NIN: variants seen among roughly 807,000 people sequenced by gnomAD.
NIN encodes the protein ninein.
Under a neutral mutation model 257.6 loss-of-function variants are expected in NIN, and 137 were observed. The ratio of observed to expected loss-of-function variants is 0.53; its 90% CI spans 0.46 to 0.61. The LOEUF (loss-of-function observed/expected upper bound fraction) is 0.61, where lower values mean the gene tolerates loss of function less well. Ranked by LOEUF, NIN falls within the 20% of genes least tolerant of loss-of-function variation. The pLI, the probability that NIN is intolerant of heterozygous loss-of-function variation, is 0.00. For missense variants in NIN, 2,439 were observed against 2,501.2 expected (o/e 0.98, Z 0.53); for synonymous variants, 918 against 919.8 (o/e 1.00, Z 0.04).
intron 21 of NIN, 120 bp downstream of exon 21, chr14:50,752,397 TG>T: frequency 1.4e-6 from 1 of 705,626 alleles, no homozygotes. Context: ...TATCTATTCA[TG>T]TGCCAGGACC....
chr14:50,723,763 T>C (rs2140302050), intron 30 of NIN, 91 bp from the exon 31 acceptor site: 1 of 1,054,860 alleles, frequency 9.5e-7, no homozygotes, highest in East Asian at 2.4e-5. Context: ...AGTTGTTTTA[T>C]AAAGGCAAAT....
At chr14:50,816,562 G>C (rs1252947983) in intron 3 of NIN, among the ~76,000 whole-genome samples, 1 of 152,098 alleles carries the variant, frequency 6.6e-6, no homozygotes, top group African/African-American at 2.4e-5. Flanking sequence ...TGCAGGGGCT[G>C]GGAAATCCAG....
Position 50,729,612 on chromosome 14 carries a change from G to A in NIN, c.5989C>T (p.Leu1997Phe). Residue 1997 changes from leucine (L) to phenylalanine (F), a missense_variant, in exon 29 of 31, where the codon CTT becomes TTT. This residue lies in a region of NIN where 2,043 missense variants were observed against 2,050.2 expected (regional missense o/e 1.00). Transcript: ENST00000530997. ...TCTGCCTGCAGCAGCTGGCGTTGAA[G>A]CTGCAGAAACTGCTCCCTGGGCACC... ...PMVPREQFLQ[L>F]QRQLLQAERI... The A allele has an allele frequency of 1.2e-6, 2 of 1,614,104 alleles. No homozygotes were observed. The highest frequency in any genetic ancestry group is 1.7e-4 in the Middle Eastern group (1 of 6,040).
At position 50,721,279 on chromosome 14, in the gene NIN, T is replaced by C. The variant is rs2040265360; in HGVS notation, c.*2184A>G. The C allele has an allele frequency of 4.9e-6, 1 of 204,714 alleles. No individual in the cohort carries two copies. The highest frequency in any genetic ancestry group is 1.9e-4 in the South Asian group (1 of 5,304). 12.7% of individuals were successfully genotyped at this position (204,714 alleles called of 1,614,324 possible). A position where few individuals can be genotyped will look rare whatever the true frequency, so the allele number is the denominator to read the frequency against. ...TAGAGATTCTAAATGTAGTCTAAAC[T>C]TTCCAGAAAGTCATATTTACATTCA... On this transcript the variant is annotated 3_prime_UTR_variant, in exon 31 of 31. Transcript: ENST00000530997.
At chr14:50,799,979 A>G (rs1017549231) in intron 4 of NIN, among the ~76,000 whole-genome samples, 12 of 150,110 alleles carry the variant, frequency 8.0e-5, no homozygotes, top group Admixed American at 6.7e-4. Flanking sequence ...CCGTCACAAA[A>G]ACAAAAAACA....
chr14:50,759,764 C>T (rs1294049989), intron 17 of NIN, 93 bp downstream of exon 17: 25 of 1,361,392 alleles, frequency 1.8e-5, no homozygotes, highest in Non-Finnish European at 2.4e-5. Context: ...GCTGGGATTA[C>T]AGGCGTGAGC....
chr14:50,813,495 C>T (rs563199926), intron 3 of NIN, among the ~76,000 whole-genome samples: 1 of 152,330 alleles, frequency 6.6e-6, no homozygotes, highest in South Asian at 2.1e-4. Flanking sequence ...TGTCATGTGT[C>T]ACCACCTCTT....
chr14:50,765,063 TA>T (rs781699626), intron 14 of NIN, among the ~76,000 whole-genome samples: 24,342 of 81,560 alleles, frequency 0.3, 3,335 homozygotes, highest in Non-Finnish European at 0.33. Flanking sequence ...TGTCTCTACT[TA>T]AAAAAAAAAA....
intron 6 of NIN, among the ~76,000 whole-genome samples, chr14:50,777,451 T>C (rs905272316): frequency 6.6e-6 from 1 of 152,216 alleles, no homozygotes; most frequent in Non-Finnish European, 1.5e-5. Flanking sequence ...TAGGCTATAG[T>C]GATCATAGAG....
intron 4 of NIN, chr14:50,794,393 A>G (rs761722896): frequency 1.8e-6 from 1 of 551,094 alleles, no homozygotes; most frequent in African/African-American, 2.0e-5. Context: ...GTGTTTAAGC[A>G]TACAAAATTT....
intron 20 of NIN, among the ~76,000 whole-genome samples, chr14:50,753,297 G>A (rs2041876374): frequency 6.6e-6 from 1 of 152,214 alleles, no homozygotes; most frequent in Admixed American, 6.5e-5. Flanking sequence ...CTATTTGGGA[G>A]GCTGAGACAG....
intron 29 of NIN, among the ~76,000 whole-genome samples, chr14:50,728,486 G>C (rs1468135433): frequency 6.6e-6 from 1 of 152,220 alleles, no homozygotes. Flanking sequence ...TAGATGGATA[G>C]TAGAAGAAAC....
At chr14:50,775,361 A>T (rs1034756778) in intron 7 of NIN, among the ~76,000 whole-genome samples, 2 of 152,168 alleles carry the variant, frequency 1.3e-5, no homozygotes, top group African/African-American at 4.8e-5. Flanking sequence ...TACAGGCATA[A>T]GACAGTGACT....
intron 4 of NIN, among the ~76,000 whole-genome samples, chr14:50,805,243 C>T (rs111871820): frequency 6.6e-6 from 1 of 152,156 alleles, no homozygotes; most frequent in African/African-American, 2.4e-5. Context: ...CCAGATGTCG[C>T]ACCATTGTCA....
At chr14:50,786,350 C>T (rs986042531) in intron 5 of NIN, among the ~76,000 whole-genome samples, 86 of 129,610 alleles carry the variant, frequency 6.6e-4, no homozygotes, top group African/African-American at 2.5e-3. Context: ...GTTTTAGTTT[C>T]TAGTTAGAAG....
intron 30 of NIN, chr14:50,723,921 T>C: frequency 2.4e-6 from 1 of 418,032 alleles, no homozygotes; most frequent in Admixed American, 4.1e-5. Flanking sequence ...CAGATTGATA[T>C]TAGATGGCAC....
intron 3 of NIN, among the ~76,000 whole-genome samples, chr14:50,813,330 G>C (rs1486361384): frequency 6.6e-6 from 1 of 152,210 alleles, no homozygotes; most frequent in Non-Finnish European, 1.5e-5. Flanking sequence ...CTCTTCATTT[G>C]AATAATAATT....
intron 21 of NIN, among the ~76,000 whole-genome samples, chr14:50,752,193 TA>T (rs1440110727): frequency 6.6e-6 from 1 of 151,820 alleles, no homozygotes; most frequent in African/African-American, 2.4e-5. Context: ...CTAATCCAAT[TA>T]AGTTTATCCT....
At position 50,727,600 on chromosome 14, in the gene NIN, C is replaced by T. The variant is rs1036195911; in HGVS notation, c.6079-1534G>A. The T allele has an allele frequency of 5.0e-6, 7 of 1,411,758 alleles. No homozygotes were observed. In the Admixed American group the frequency reaches 9.9e-5, roughly 20 times the overall value. 87.5% of individuals were successfully genotyped at this position (1,411,758 alleles called of 1,614,324 possible). A position where few individuals can be genotyped will look rare whatever the true frequency, so the allele number is the denominator to read the frequency against. On this transcript the variant is annotated intron_variant, in intron 29 of 30. Transcript: ENST00000530997. ...AGCACTTAATTCCAACATATCTTAG[C>T]TTATGTCTCTGTGTGTGGTGTGTGT...
Sources: gnomAD v4.1 joint callset for allele counts (sites outside exome capture counted in the v4.1 genomes callset) on GRCh38, gnomAD v4.1.1 for gene constraint, gnomAD v4.1.1 regional missense constraint, MANE v1.5 for transcripts, NCBI Gene and HGNC (gene_info 2026-07-23, HGNC 2026-07-21) for gene names.